Variants in RPS3 observed in about 807,000 individuals in gnomAD.
RPS3 encodes the protein ribosomal protein S3.
RPS3 carries 2 observed loss-of-function variants against 25.8 expected under a neutral mutation model. The ratio of observed to expected loss-of-function variants is 0.08; its 90% CI spans 0.03 to 0.24. RPS3 has a LOEUF of 0.24. Ranked by LOEUF, RPS3 falls within the 10% of genes least tolerant of loss-of-function variation. The pLI, the probability that RPS3 is intolerant of heterozygous loss-of-function variation, is 1.00. For synonymous variants in RPS3, 114 were observed against 114.2 expected (o/e 1.00, Z 0.01); for missense variants, 107 against 307.1 (o/e 0.35, Z 4.87).
chr11:75,414,567 C>T (rs1336465375), intron 6 of RPS3, among the ~76,000 whole-genome samples: 3 of 151,328 alleles, frequency 2.0e-5, no homozygotes, highest in Admixed American at 1.3e-4. Context: ...GCTGAGATCG[C>T]GCCACTGCAC....
chr11:75,413,325 C>G (rs1948372874), intron 6 of RPS3, among the ~76,000 whole-genome samples: 1 of 152,090 alleles, frequency 6.6e-6, no homozygotes, highest in African/African-American at 2.4e-5. Context: ...ACTGCGATCT[C>G]AGCTCACTGC....
downstream of RPS3, among the ~76,000 whole-genome samples, chr11:75,407,251 G>A (rs1282627258): frequency 6.6e-6 from 1 of 152,060 alleles, no homozygotes; most frequent in Non-Finnish European, 1.5e-5. Context: ...CCATTCTCCA[G>A]CCTCAGCCTC....
downstream of RPS3, among the ~76,000 whole-genome samples, chr11:75,410,407 C>T (rs1311935298): frequency 6.6e-5 from 10 of 151,560 alleles, no homozygotes; most frequent in South Asian, 2.1e-4. Context: ...CGGGCAGAGA[C>T]GCTGCTCACT....
In RPS3 at chr11:75,403,948, C is replaced by CT. The variant is rs1948246670; in HGVS notation, c.351-69dup. 7 of 1,436,324 alleles carry CT rather than the reference C, an allele frequency of 4.9e-6. No homozygotes were observed. In the South Asian group the frequency reaches 5.2e-5, roughly 11 times the overall value. The allele number at this position is 1,436,324 out of a possible 1,614,324, so 89.0% of individuals were successfully genotyped here. On this transcript the variant is annotated intron_variant, in intron 4 of 6. Coordinates refer to ENST00000531188, the MANE Select transcript of RPS3 (RefSeq NM_001005.5). ...ATTAAAGGAACATTGAAAACCAAGTCTTTGTTTTGTTTTTTAAACTTGGTG... is the reference window on the plus strand; with the variant it reads ...ATTAAAGGAACATTGAAAACCAAGTCTTTTGTTTTGTTTTTTAAACTTGGTG...
chr11:75,410,670 C>T (rs371503650), downstream of RPS3, among the ~76,000 whole-genome samples: 1,021 of 126,366 alleles, frequency 8.1e-3, no homozygotes, highest in East Asian at 0.018. Flanking sequence ...GCCGAGATCA[C>T]GCCACTGCAC....
intron 2 of RPS3, 121 bp downstream of exon 2, chr11:75,400,945 C>CGA: frequency 7.6e-7 from 1 of 1,320,424 alleles, no homozygotes; most frequent in Non-Finnish European, 9.8e-7. Flanking sequence ...TGCAGTGGCG[C>CGA]GATCTCGGCT....
downstream of RPS3, among the ~76,000 whole-genome samples, chr11:75,410,367 G>A (rs1275753004): frequency 5.5e-4 from 83 of 151,952 alleles, no homozygotes; most frequent in African/African-American, 2.0e-3. Context: ...CGGGGCAGAG[G>A]TGCTCCCCAC....
intron 6 of RPS3, among the ~76,000 whole-genome samples, chr11:75,416,126 A>ACAT (rs1441123068): frequency 6.6e-6 from 1 of 152,248 alleles, no homozygotes; most frequent in Non-Finnish European, 1.5e-5. Flanking sequence ...TAGCAGTATG[A>ACAT]GCGCAAGCAC....
intron 6 of RPS3, among the ~76,000 whole-genome samples, chr11:75,421,557 G>C (rs1295022078): frequency 6.6e-6 from 1 of 152,234 alleles, no homozygotes; most frequent in Non-Finnish European, 1.5e-5. Flanking sequence ...GACATCAGGG[G>C]CTTGTGCCCC....
chr11:75,399,913 T>G, intron 1 of RPS3: 1 of 410,720 alleles, frequency 2.4e-6, no homozygotes, highest in Non-Finnish European at 4.4e-6. Flanking sequence ...ATCCCGTGGT[T>G]TTGGGAAGAG....
chr11:75,399,558 A>G lies in RPS3; in HGVS notation c.11A>G (p.Gln4Arg), dbSNP rs772964979. Residue 4 changes from glutamine (Q) to arginine (R), a missense_variant, in exon 1 of 7, where the codon CAA (glutamine) becomes CGA (arginine). Physicochemically the swap from Gln to Arg is conservative, Grantham distance 43 (BLOSUM62 1). This residue lies in a region of RPS3 where 26 missense variants were observed against 20.4 expected (regional missense o/e 1.28). Transcript: ENST00000531188. Reference protein sequence around the residue: MAVQISKKRKFVAD... With the variant: MAVRISKKRKFVAD... ...GAGCGCGGCGGCAAGATGGCAGTGCAAATATCCAAGAAGAGGAAGGTGAGC... is the reference window on the plus strand; with the variant it reads ...GAGCGCGGCGGCAAGATGGCAGTGCGAATATCCAAGAAGAGGAAGGTGAGC... 5 of 1,613,820 alleles carry G rather than the reference A, an allele frequency of 3.1e-6. No individual in the cohort carries two copies. The highest frequency in any genetic ancestry group is 1.3e-5 in the African/African-American group (1 of 74,906).
intron 6 of RPS3, among the ~76,000 whole-genome samples, chr11:75,413,635 T>C (rs1948375458): frequency 6.6e-6 from 1 of 152,196 alleles, no homozygotes; most frequent in African/African-American, 2.4e-5. Context: ...CCAGATGCTA[T>C]TACCTTAAGT....
chr11:75,402,154 C>G (rs1400151068), intron 3 of RPS3, 198 bp from the exon 4 acceptor site: 2 of 710,234 alleles, frequency 2.8e-6, no homozygotes, highest in East Asian at 2.8e-5. Context: ...TTGGGCCACA[C>G]TACTACTGGT....
chr11:75,409,211 C>A (rs898657834), downstream of RPS3, among the ~76,000 whole-genome samples: 19 of 144,786 alleles, frequency 1.3e-4, no homozygotes, highest in Non-Finnish European at 2.7e-4. Context: ...TTTTATTGAT[C>A]ATTCTTGGGT....
intron 6 of RPS3, among the ~76,000 whole-genome samples, chr11:75,419,130 C>T (rs1948424141): frequency 6.6e-6 from 1 of 152,126 alleles, no homozygotes. Context: ...CCTCAGCATA[C>T]CAGGAAAAAT....
rs1402771078 is a variant in RPS3 at position 75,405,751 on chromosome 11, C to T, written c.*141C>T. On this transcript the variant is annotated 3_prime_UTR_variant, in exon 7 of 7. Transcript: ENST00000531188. ...GGGCATGTTGGCCTCTGGAGCATTA[C>T]ATATCTTCTTGGTTTTAACCATACT... The T allele has an allele frequency of 7.0e-6, 3 of 426,664 alleles. No individual in the cohort carries two copies. The highest frequency in any genetic ancestry group is 1.7e-5 in the South Asian group (1 of 58,862). 26.4% of individuals were successfully genotyped at this position (426,664 alleles called of 1,614,324 possible).
At chr11:75,401,953 T>A in intron 3 of RPS3, 1 of 573,066 alleles carries the variant, frequency 1.7e-6, no homozygotes. Context: ...ATGATGCATA[T>A]GATGGATTAA....
intron 1 of RPS3, 182 bp downstream of exon 1, chr11:75,399,759 G>A: frequency 1.7e-6 from 1 of 594,164 alleles, no homozygotes. Flanking sequence ...GGAGGGCGCT[G>A]TGTGGCCGGG....
intron 4 of RPS3, 80 bp downstream of exon 4, chr11:75,402,526 G>T (rs1427018330): frequency 3.4e-6 from 5 of 1,456,550 alleles, no homozygotes; most frequent in African/African-American, 1.4e-5. Context: ...TTTAGCAGAT[G>T]AACTGTTACA....
Sources: allele counts gnomAD v4.1 joint callset (sites outside exome capture counted in the v4.1 genomes callset), GRCh38; gene constraint gnomAD v4.1.1; regional missense constraint gnomAD v4.1.1; transcripts MANE v1.5; gene names NCBI Gene and HGNC (gene_info 2026-07-23, HGNC 2026-07-21).